The following IQSEC3 variants were observed in gnomAD, a reference collection of about 807,000 sequenced individuals.
IQSEC3 encodes IQ motif and Sec7 domain ArfGEF 3, also known as IQ motif and SEC7 domain-containing protein 3.
IQSEC3 carries 50 observed loss-of-function variants against 105.4 expected under a neutral mutation model. The observed-to-expected ratio is 0.47, with a 90% CI of 0.38 to 0.60. IQSEC3 has a LOEUF of 0.60. IQSEC3 is among the 20% of genes least tolerant of loss of function. IQSEC3 has a pLI of 0.00. For synonymous variants in IQSEC3, 708 were observed against 746.0 expected, an observed-to-expected ratio of 0.95 and a Z score of 0.83; for missense variants, 1,415 against 1,630.0, an observed-to-expected ratio of 0.87 and a Z score of 2.27.
Position 177,248 on chromosome 12 carries a change from CT to C in IQSEC3, c.*2216del, listed in dbSNP as rs1197890438. ...AGGACAGGCAGAACCCCGTCCCCTG[CT>C]CACACAGCTCTTCAAGCTTACCAAG... On this transcript the variant is annotated 3_prime_UTR_variant, in exon 14 of 14. Transcript: ENST00000538872. The surrounding 1 kb of genome is among the most constrained non-coding windows in gnomAD (Gnocchi z 5.3). The C allele has an allele frequency of 0.11, 13,724 of 125,162 alleles. 2,480 individuals carry two copies. The highest frequency in any genetic ancestry group is 0.17 in the East Asian group (614 of 3,680). 7.8% of individuals were successfully genotyped at this position (125,162 alleles called of 1,614,324 possible).
intron 12 of IQSEC3, 127 bp downstream of exon 12, chr12:169,232 C>A (rs2137066016): frequency 2.8e-6 from 2 of 710,806 alleles, no homozygotes; most frequent in Admixed American, 2.6e-5. Flanking sequence ...TGCTGAGGAG[C>A]GCCAGGCTTG....
Position 138,738 on chromosome 12 carries a change from G to T in IQSEC3, c.1375G>T (p.Ala459Ser). 1 of 1,513,910 alleles carries T rather than the reference G, an allele frequency of 6.6e-7. No homozygotes were observed. The highest frequency in any genetic ancestry group is 8.8e-7 in the Non-Finnish European group (1 of 1,136,214). 93.8% of individuals were successfully genotyped at this position (1,513,910 alleles called of 1,614,324 possible). A position where few individuals can be genotyped will look rare whatever the true frequency, so the allele number is the denominator to read the frequency against. ...GGCCGAGGGGCGGGCGCCGGAGAGC[G>T]CGGGCCCCGGGCCCGGGGATGACGC... ...LEAEGRAPES[A>S]GPGPGDDAAE... The change falls in exon 4 of 14, where the codon GCG becomes TCG. Residue 459 changes from alanine (A) to serine (S), a missense_variant. By Grantham distance (99) the Ala-to-Ser change is moderately conservative. Around this residue, in one of 6 missense-constraint regions of IQSEC3, gnomAD observed 720 missense variants for 633.0 expected, o/e 1.14. Transcript: ENST00000538872. The surrounding 1 kb of genome is among the most constrained non-coding windows in gnomAD (Gnocchi z 7.1).
At chr12:93,833 C>T (rs149730899) in intron 1 of IQSEC3, among the ~76,000 whole-genome samples, 172 of 152,232 alleles carry the variant, frequency 1.1e-3, no homozygotes, top group African/African-American at 4.0e-3. Flanking sequence ...TGACTTCTCA[C>T]TCTGTTAGTT....
chr12:116,292 C>T (rs776159955), intron 2 of IQSEC3, among the ~76,000 whole-genome samples: 2 of 152,156 alleles, frequency 1.3e-5, no homozygotes, highest in African/African-American at 2.4e-5. Flanking sequence ...TTAGAGGCTG[C>T]GACTCTACCC....
chr12:134,233 C>T (rs1555085728), intron 3 of IQSEC3, among the ~76,000 whole-genome samples: 1 of 152,232 alleles, frequency 6.6e-6, no homozygotes, highest in East Asian at 1.9e-4. Context: ...GTGCTGGGCA[C>T]TGTCCAAGCA....
At chr12:75,556 T>C (rs1270531309) in intron 1 of IQSEC3, among the ~76,000 whole-genome samples, 1 of 152,198 alleles carries the variant, frequency 6.6e-6, no homozygotes. Context: ...AATAATTTTT[T>C]GGATGGTGAA....
intron 1 of IQSEC3, among the ~76,000 whole-genome samples, chr12:77,941 C>T (rs1472775368): frequency 1.3e-5 from 2 of 151,770 alleles, no homozygotes; most frequent in African/African-American, 2.4e-5. Flanking sequence ...AGGAATCTCC[C>T]GGCCCACGCG....
intron 1 of IQSEC3, among the ~76,000 whole-genome samples, chr12:81,828 G>A (rs1863756257): frequency 6.6e-6 from 1 of 152,222 alleles, no homozygotes; most frequent in African/African-American, 2.4e-5. Context: ...GTGGGCATGG[G>A]AGCTGAGAAG....
At chr12:82,875 CAGG>C (rs1245383426) in intron 1 of IQSEC3, among the ~76,000 whole-genome samples, 4 of 152,300 alleles carry the variant, frequency 2.6e-5, no homozygotes, top group South Asian at 2.1e-4. Flanking sequence ...TCCAAATCTC[CAGG>C]AGAAGTTTTT....
At position 138,411 on chromosome 12, in the gene IQSEC3, C is replaced by T. The variant is rs1436670316; in HGVS notation, c.1048C>T (p.Arg350Trp). ...GCTTCTGGAGAGCCGCCTGCCACGG[C>T]GGATCTCCCTGCGCAAGGTGCGGTC... is the stretch of plus-strand genomic sequence containing the variant. ...NSLLESRLPR[R>W]ISLRKVRSPT... is the part of the protein sequence containing the mutation. Residue 350 changes from arginine (R) to tryptophan (W), a missense_variant, in exon 4 of 14, where the codon CGG becomes TGG. Around this residue, in one of 6 missense-constraint regions of IQSEC3, gnomAD observed 720 missense variants for 633.0 expected, o/e 1.14. Transcript: ENST00000538872. The surrounding 1 kb of genome is among the most constrained non-coding windows in gnomAD (Gnocchi z 7.1). 1.9e-6 allele frequency: 3 copies of T among 1,609,506 alleles called. No individual in the cohort carries two copies. Among genetic ancestry groups the T allele is most frequent in the East Asian group, 2.2e-5 (1 of 44,852 alleles).
chr12:117,193 G>A (rs1345958300), intron 2 of IQSEC3, among the ~76,000 whole-genome samples: 4 of 152,084 alleles, frequency 2.6e-5, no homozygotes, highest in African/African-American at 7.2e-5. Context: ...CTTCTCCTGG[G>A]GTAATCACAA....
intron 5 of IQSEC3, chr12:148,951 A>T (rs1555091832): frequency 6.6e-6 from 1 of 152,192 alleles, no homozygotes; most frequent in Non-Finnish European, 1.5e-5. Flanking sequence ...TCATTAAAAA[A>T]AAAAAAGAAG....
chr12:74,657 T>G (rs1440490824), intron 1 of IQSEC3, among the ~76,000 whole-genome samples: 1 of 152,292 alleles, frequency 6.6e-6, no homozygotes, highest in Non-Finnish European at 1.5e-5. Flanking sequence ...CCCCGTGCTC[T>G]GTGCTGGCAT....
chr12:129,351 C>A (rs1290118099), intron 3 of IQSEC3, among the ~76,000 whole-genome samples: 2 of 152,196 alleles, frequency 1.3e-5, no homozygotes, highest in Non-Finnish European at 2.9e-5. Context: ...AGGAACTGCT[C>A]AGCAGGGAAG....
chr12:107,531 T>A (rs1438929881), intron 2 of IQSEC3, among the ~76,000 whole-genome samples: 1 of 142,974 alleles, frequency 7.0e-6, no homozygotes, highest in African/African-American at 2.6e-5. Flanking sequence ...TGCCTCAGCC[T>A]CCCGAGTAGC....
rs909266256 is a variant in IQSEC3, at chr12:177,413, G to A, written c.*2380G>A. 6.6e-6 allele frequency: 1 copy of A among 152,306 alleles called. No individual in the cohort carries two copies. 9.4% of individuals were successfully genotyped at this position (152,306 alleles called of 1,614,324 possible). On this transcript the variant is annotated 3_prime_UTR_variant, in exon 14 of 14. Coordinates refer to ENST00000538872, the MANE Select transcript of IQSEC3 (RefSeq NM_001170738.2). This position sits in a 1 kb window ranked among gnomAD's most constrained non-coding sequence, Gnocchi z 5.3. ...CAATCTTCCAAATCGGAACCAGCAA[G>A]TCTTAGGGCTGGCACGCATCTGGGC...
intron 3 of IQSEC3, among the ~76,000 whole-genome samples, chr12:132,136 G>C (rs782618144): frequency 2.0e-5 from 3 of 152,090 alleles, no homozygotes; most frequent in Admixed American, 2.0e-4. Context: ...GCTGCATGGA[G>C]GAGACACATT....
intron 2 of IQSEC3, among the ~76,000 whole-genome samples, chr12:102,060 A>C (rs1291312006): frequency 5.3e-5 from 8 of 151,440 alleles, no homozygotes; most frequent in Admixed American, 5.2e-4. Flanking sequence ...TGGACTCTGG[A>C]GCTCTGAGAC....
At chr12:172,390 C>T (rs556349308) in intron 13 of IQSEC3, among the ~76,000 whole-genome samples, 7 of 152,264 alleles carry the variant, frequency 4.6e-5, no homozygotes, top group East Asian at 1.9e-4. Context: ...TAAGCACACC[C>T]GTGCCCAGCC....
Sources: allele counts gnomAD v4.1 joint callset (sites outside exome capture counted in the v4.1 genomes callset), GRCh38; gene constraint gnomAD v4.1.1; regional missense constraint gnomAD v4.1.1; non-coding constraint Gnocchi (gnomAD v3.1); transcripts MANE v1.5; gene names NCBI Gene and HGNC (gene_info 2026-07-23, HGNC 2026-07-21).